RGS6: variants seen among roughly 807,000 people sequenced by gnomAD.
RGS6 encodes the protein regulator of G-protein signaling 6.
In RGS6, 30 loss-of-function variants were observed where a neutral mutation model predicts 78.5. That is an observed-to-expected ratio of 0.38 (90% CI 0.29 to 0.52). RGS6 has a LOEUF of 0.52. RGS6 is among the 20% of genes least tolerant of loss of function. The pLI, the probability that RGS6 is intolerant of heterozygous loss-of-function variation, is 0.85. For synonymous variants in RGS6, 206 were observed against 206.0 expected (o/e 1.00, Z 0.00); for missense variants, 495 against 609.7 (o/e 0.81, Z 1.98).
chr14:72,170,915 G>T (rs971195292), intron 2 of RGS6, among the ~76,000 whole-genome samples: 1 of 152,108 alleles, frequency 6.6e-6, no homozygotes, highest in Non-Finnish European at 1.5e-5. Context: ...TATGTCTCAG[G>T]GTGCATGCTG....
intron 2 of RGS6, among the ~76,000 whole-genome samples, chr14:72,145,919 A>G (rs2096601190): frequency 1.3e-5 from 2 of 152,248 alleles, no homozygotes; most frequent in African/African-American, 4.8e-5. Context: ...AGATTAAAGG[A>G]TTAAGAACAA....
chr14:72,472,202 A>G (rs1280958505), intron 8 of RGS6, among the ~76,000 whole-genome samples: 1 of 151,454 alleles, frequency 6.6e-6, no homozygotes, highest in African/African-American at 2.4e-5. Context: ...AAAAGAAAAA[A>G]CCTCTTATCT....
intron 2 of RGS6, among the ~76,000 whole-genome samples, chr14:72,077,253 C>T (rs2094611238): frequency 6.6e-6 from 1 of 152,038 alleles, no homozygotes; most frequent in East Asian, 1.9e-4. Context: ...TGAATTCCAT[C>T]TTAATAGTTT....
chr14:72,408,604 C>G (rs965544800), intron 3 of RGS6, among the ~76,000 whole-genome samples: 6 of 152,158 alleles, frequency 3.9e-5, no homozygotes, highest in African/African-American at 1.4e-4. Flanking sequence ...CATGAGCGTT[C>G]ACAGTTGAAT....
intron 17 of RGS6, among the ~76,000 whole-genome samples, chr14:72,555,524 A>G (rs2097562001): frequency 1.3e-5 from 2 of 152,352 alleles, no homozygotes; most frequent in South Asian, 2.1e-4. Flanking sequence ...ATCACCCTGC[A>G]TTGCCCAGAG....
chr14:72,132,907 C>G (rs774756147), intron 2 of RGS6, among the ~76,000 whole-genome samples: 2 of 151,044 alleles, frequency 1.3e-5, no homozygotes, highest in Non-Finnish European at 2.9e-5. Flanking sequence ...AGGGAAGATT[C>G]AGTAAAAGGA....
chr14:72,595,753 G>T, the RGS6 span, among the ~76,000 whole-genome samples: 1 of 152,204 alleles, frequency 6.6e-6, no homozygotes, highest in Admixed American at 6.5e-5. Context: ...CTGGTATTTA[G>T]CATGGTGTTG....
chr14:72,288,206 T>C (rs1337006331), intron 2 of RGS6, among the ~76,000 whole-genome samples: 1 of 152,204 alleles, frequency 6.6e-6, no homozygotes, highest in Non-Finnish European at 1.5e-5. Flanking sequence ...TGCCAGTGAA[T>C]CCATAATGGA....
At chr14:72,252,961 C>T (rs1292874751) in intron 2 of RGS6, among the ~76,000 whole-genome samples, 1 of 152,230 alleles carries the variant, frequency 6.6e-6, no homozygotes, top group Non-Finnish European at 1.5e-5. Flanking sequence ...TTCTCAAGGT[C>T]TTGTGCCAGC....
chr14:71,945,106 A>T (rs181148903), intron 1 of RGS6, among the ~76,000 whole-genome samples: 2 of 152,326 alleles, frequency 1.3e-5, no homozygotes, highest in East Asian at 3.9e-4. Context: ...TTTCAGAGTA[A>T]GGGCTAATAT....
At chr14:72,008,152 A>G (rs1682747978) in intron 2 of RGS6, among the ~76,000 whole-genome samples, 1 of 152,204 alleles carries the variant, frequency 6.6e-6, no homozygotes, top group South Asian at 2.1e-4. Context: ...CTATCCTTGC[A>G]TACTTCCCAT....
At chr14:72,358,955 T>C (rs1484326506) in intron 3 of RGS6, among the ~76,000 whole-genome samples, 1 of 152,206 alleles carries the variant, frequency 6.6e-6, no homozygotes, top group African/African-American at 2.4e-5. Context: ...GGTAATTGAA[T>C]CATGGGTTGG....
At chr14:72,397,068 T>C (rs1307356573) in intron 3 of RGS6, among the ~76,000 whole-genome samples, 1 of 152,194 alleles carries the variant, frequency 6.6e-6, no homozygotes, top group East Asian at 1.9e-4. Context: ...AGTAGTTTTT[T>C]CCAATTCTGT....
rs144701780 is a variant in RGS6, at chr14:72,458,178, G to A, written c.236-93G>A. 6,394 of 907,050 alleles carry A rather than the reference G, an allele frequency of 7.0e-3. 26 individuals are homozygous for A. The highest frequency in any genetic ancestry group is 8.5e-3 in the Non-Finnish European group (4,809 of 565,056). 56.2% of individuals were successfully genotyped at this position (907,050 alleles called of 1,614,324 possible). ...TGTATCATCAACACAGACATCTGGG[G>A]GTGATGACAGTTGACTTCTGGTCTC... On this transcript the variant is annotated intron_variant, in intron 4 of 17. Transcript: ENST00000553525.
At chr14:72,037,359 A>G (rs2091862650) in intron 2 of RGS6, among the ~76,000 whole-genome samples, 2 of 152,194 alleles carry the variant, frequency 1.3e-5, no homozygotes, top group African/African-American at 4.8e-5. Context: ...CACCTTTAAG[A>G]GCTGTAACAC....
At chr14:72,242,520 A>G (rs1055098650) in intron 2 of RGS6, among the ~76,000 whole-genome samples, 2 of 152,216 alleles carry the variant, frequency 1.3e-5, no homozygotes, top group African/African-American at 4.8e-5. Flanking sequence ...TCACAAATAA[A>G]TGTGCTCAAT....
chr14:71,941,748 G>T (rs374594712), intron 1 of RGS6, among the ~76,000 whole-genome samples: 57 of 152,264 alleles, frequency 3.7e-4, no homozygotes, highest in African/African-American at 1.4e-3. Context: ...ATTAAGGGTG[G>T]ATCTGCCTTC....
At chr14:72,488,257 C>T (rs2096525663) in intron 12 of RGS6, among the ~76,000 whole-genome samples, 1 of 152,220 alleles carries the variant, frequency 6.6e-6, no homozygotes, top group Non-Finnish European at 1.5e-5. Flanking sequence ...TTCTGTGTTC[C>T]TTCTCCACGT....
the RGS6 span, among the ~76,000 whole-genome samples, chr14:71,875,835 G>A: frequency 3.0e-4 from 45 of 152,238 alleles, no homozygotes; most frequent in African/African-American, 1.1e-3. Context: ...AGAGATTCTT[G>A]TATGTTGTGT....
Sources: gnomAD v4.1 joint callset for allele counts (sites outside exome capture counted in the v4.1 genomes callset) on GRCh38, gnomAD v4.1.1 for gene constraint, MANE v1.5 for transcripts, NCBI Gene and HGNC (gene_info 2026-07-23, HGNC 2026-07-21) for gene names.